NXPE2: variants seen among roughly 807,000 people sequenced by gnomAD.
The protein encoded by NXPE2 is neurexophilin and PC-esterase domain family member 2.
A neutral mutation model predicts 34.4 loss-of-function variants in NXPE2; 34 were observed. That is an observed-to-expected ratio of 0.99 (90% CI 0.75 to 1.31). NXPE2 has a LOEUF of 1.31. Ranked by LOEUF, NXPE2 falls within the 40% of genes most tolerant of loss-of-function variation. The probability of loss-of-function intolerance (pLI) is 0.00; values close to 1 mark genes in which losing one functional copy is unlikely to be tolerated. For synonymous variants in NXPE2, 235 were observed against 231.3 expected, an observed-to-expected ratio of 1.02 and a Z score of -0.15; for missense variants, 649 against 672.5, an observed-to-expected ratio of 0.97 and a Z score of 0.39.
the NXPE2 span, among the ~76,000 whole-genome samples, chr11:114,649,624 T>C: frequency 6.6e-6 from 1 of 152,150 alleles, no homozygotes; most frequent in Middle Eastern, 3.2e-3. Flanking sequence ...CTTATGAAGA[T>C]GGTAATACAC....
chr11:114,632,418 TAATATA>T, the NXPE2 span, among the ~76,000 whole-genome samples: 42 of 131,980 alleles, frequency 3.2e-4, no homozygotes, highest in Admixed American at 7.3e-4. Context: ...TAATTTTATA[TAATATA>T]AATATAAATA....
At chr11:114,780,904 G>T in the NXPE2 span, among the ~76,000 whole-genome samples, 5 of 152,292 alleles carry the variant, frequency 3.3e-5, no homozygotes, top group East Asian at 7.7e-4. Flanking sequence ...CGATCCAGGG[G>T]ATGTGGCGTT....
At chr11:114,625,986 A>T in the NXPE2 span, among the ~76,000 whole-genome samples, 1 of 143,116 alleles carries the variant, frequency 7.0e-6, no homozygotes. Flanking sequence ...AAAACGGCGC[A>T]CCAGGAGATT....
At chr11:114,584,914 T>A in the NXPE2 span, among the ~76,000 whole-genome samples, 1 of 152,126 alleles carries the variant, frequency 6.6e-6, no homozygotes, top group African/African-American at 2.4e-5. Flanking sequence ...CTGCAGGTCT[T>A]AACTCTGAAG....
the NXPE2 span, among the ~76,000 whole-genome samples, chr11:114,564,216 C>T: frequency 1.3e-5 from 2 of 152,152 alleles, no homozygotes; most frequent in Non-Finnish European, 2.9e-5. Flanking sequence ...GAAAACCAAA[C>T]ATCATATCAT....
chr11:114,582,747 C>G, the NXPE2 span: 1 of 1,614,166 alleles, frequency 6.2e-7, no homozygotes, highest in Non-Finnish European at 8.5e-7. Context: ...CAAGTGGTCC[C>G]TCACCTCCAG....
At chr11:114,535,514 C>T in the NXPE2 span, among the ~76,000 whole-genome samples, 1 of 152,166 alleles carries the variant, frequency 6.6e-6, no homozygotes, top group Non-Finnish European at 1.5e-5. Flanking sequence ...CAAGACCCAT[C>T]AGTGTGCTGT....
At chr11:114,799,291 CAAAAA>C in the NXPE2 span, among the ~76,000 whole-genome samples, 2,235 of 94,354 alleles carry the variant, frequency 0.024, 40 homozygotes, top group African/African-American at 0.081. Context: ...GGCAATGAAG[CAAAAA>C]AAAAAAAAAA....
chr11:114,728,769 T>C, the NXPE2 span, among the ~76,000 whole-genome samples: 1 of 152,088 alleles, frequency 6.6e-6, no homozygotes, highest in African/African-American at 2.4e-5. Flanking sequence ...AGGCTGGTTA[T>C]ATTCCAATAA....
At chr11:114,730,290 T>C in the NXPE2 span, among the ~76,000 whole-genome samples, 1 of 152,146 alleles carries the variant, frequency 6.6e-6, no homozygotes, top group Non-Finnish European at 1.5e-5. Context: ...TACCATGTTG[T>C]TTTGGTTACT....
At chr11:114,647,299 G>A in the NXPE2 span, among the ~76,000 whole-genome samples, 6 of 152,086 alleles carry the variant, frequency 3.9e-5, no homozygotes, top group East Asian at 1.2e-3. Flanking sequence ...TTATTGTACT[G>A]TGCTTATGAG....
the NXPE2 span, among the ~76,000 whole-genome samples, chr11:114,645,170 C>T: frequency 6.6e-6 from 1 of 151,874 alleles, no homozygotes; most frequent in Non-Finnish European, 1.5e-5. Flanking sequence ...GGCGTGATGG[C>T]GTGCACTTAT....
the NXPE2 span, among the ~76,000 whole-genome samples, chr11:114,602,831 T>C: frequency 1.4e-4 from 21 of 146,880 alleles, no homozygotes; most frequent in Non-Finnish European, 3.1e-4. Context: ...AATAATTATC[T>C]CATATAATTA....
chr11:114,625,351 T>C, the NXPE2 span, among the ~76,000 whole-genome samples: 1 of 152,142 alleles, frequency 6.6e-6, no homozygotes, highest in Admixed American at 6.5e-5. Context: ...ACTGGGTGTA[T>C]AATAAGTATT....
the NXPE2 span, among the ~76,000 whole-genome samples, chr11:114,609,326 T>G: frequency 1.3e-5 from 2 of 151,684 alleles, no homozygotes; most frequent in Non-Finnish European, 2.9e-5. Flanking sequence ...GTAACCACGG[T>G]TACCCTGTGT....
the NXPE2 span, among the ~76,000 whole-genome samples, chr11:114,727,150 C>G: frequency 3.3e-5 from 5 of 152,044 alleles, no homozygotes; most frequent in South Asian, 4.1e-4. Flanking sequence ...CAATTTTTGT[C>G]TTAATTTGGA....
chr11:114,509,324 G>T, the NXPE2 span, among the ~76,000 whole-genome samples: 7 of 152,204 alleles, frequency 4.6e-5, no homozygotes, highest in East Asian at 1.2e-3. Flanking sequence ...CTGTTAGTGG[G>T]AGTGTAAATT....
the NXPE2 span, chr11:114,584,178 C>A: frequency 3.1e-6 from 1 of 326,958 alleles, no homozygotes. Context: ...TATAATGTTG[C>A]TCAGTGCCCT....
the NXPE2 span, among the ~76,000 whole-genome samples, chr11:114,547,518 T>C: frequency 6.6e-6 from 1 of 152,176 alleles, no homozygotes; most frequent in Non-Finnish European, 1.5e-5. Flanking sequence ...GTTGATCACT[T>C]GAGGTTAGGA....
Sources: allele counts gnomAD v4.1 joint callset (sites outside exome capture counted in the v4.1 genomes callset), GRCh38; gene constraint gnomAD v4.1.1; transcripts MANE v1.5; gene names NCBI Gene and HGNC (gene_info 2026-07-23, HGNC 2026-07-21).